COL13A1: variants seen among roughly 807,000 people sequenced by gnomAD.
COL13A1 encodes collagen type XIII alpha 1 chain, also known as collagen alpha-1(XIII) chain.
Under a neutral mutation model 130.9 loss-of-function variants are expected in COL13A1, and 89 were observed. The ratio of observed to expected loss-of-function variants is 0.68; its 90% CI spans 0.57 to 0.81. COL13A1 has a LOEUF of 0.81. Ranked by LOEUF, COL13A1 falls within the 30% of genes least tolerant of loss-of-function variation. The pLI is 0.00. For synonymous variants in COL13A1, 402 were observed against 341.6 expected (o/e 1.18, Z -1.95); for missense variants, 879 against 934.6 (o/e 0.94, Z 0.78).
chr10:69,880,075 G>C (rs895433063), intron 6 of COL13A1, among the ~76,000 whole-genome samples: 3 of 152,034 alleles, frequency 2.0e-5, no homozygotes, highest in Non-Finnish European at 4.4e-5. Context: ...GCCGGGGAGA[G>C]ACTCAGGCCT....
At position 69,921,965 on chromosome 10, in the gene COL13A1, G is replaced by T. The variant is rs142932036; in HGVS notation, c.1143+30G>T. ...GTGTTGCTCTGAATGGAGGGTTCAA[G>T]TCCTTCGTCACCCACATCCCATACC... On this transcript the variant is annotated intron_variant, in intron 22 of 40. Transcript: ENST00000645393. 1.7e-3 allele frequency: 2,668 copies of T among 1,584,962 alleles called. 5 individuals are homozygous for T. The highest frequency in any genetic ancestry group is 2.0e-3 in the Non-Finnish European group (2,335 of 1,165,350).
chr10:69,828,178 T>A (rs563150048), intron 2 of COL13A1, among the ~76,000 whole-genome samples: 4 of 152,302 alleles, frequency 2.6e-5, no homozygotes, highest in African/African-American at 9.6e-5. Context: ...GAGATCCTCC[T>A]GTTCGATTGC....
intron 26 of COL13A1, among the ~76,000 whole-genome samples, chr10:69,926,377 T>TG (rs1222432061): frequency 6.6e-6 from 1 of 152,108 alleles, no homozygotes; most frequent in African/African-American, 2.4e-5. Context: ...ATCTTTGTGG[T>TG]GGGGGGAGAG....
intron 2 of COL13A1, among the ~76,000 whole-genome samples, chr10:69,850,683 T>A (rs1286056874): frequency 6.6e-6 from 1 of 151,946 alleles, no homozygotes; most frequent in Non-Finnish European, 1.5e-5. Context: ...GGAAGCTGAC[T>A]GTCAGCCAGC....
At chr10:69,811,425 G>A (rs7079209) in intron 1 of COL13A1, among the ~76,000 whole-genome samples, 39,727 of 152,110 alleles carry the variant, frequency 0.26, 5,855 homozygotes, top group African/African-American at 0.41. Context: ...AGGTCAGAAA[G>A]GGTGACCTCT....
intron 2 of COL13A1, among the ~76,000 whole-genome samples, chr10:69,858,220 T>C (rs1417406473): frequency 6.6e-6 from 1 of 152,138 alleles, no homozygotes; most frequent in Non-Finnish European, 1.5e-5. Flanking sequence ...GCTTCTGGGA[T>C]TGGATGCCAT....
intron 38 of COL13A1, among the ~76,000 whole-genome samples, chr10:69,947,861 C>A (rs191069431): frequency 6.6e-6 from 1 of 152,222 alleles, no homozygotes; most frequent in South Asian, 2.1e-4. Context: ...GAAAGGACTG[C>A]GCCTTCTCAG....
At chr10:69,947,406 C>G in intron 38 of COL13A1, 64 bp downstream of exon 38, 1 of 1,445,324 alleles carries the variant, frequency 6.9e-7, no homozygotes, top group Non-Finnish European at 9.5e-7. Flanking sequence ...GTGGAATGAT[C>G]GATCGGTGAT....
chr10:69,802,857 G>C (rs897138588), intron 1 of COL13A1, 140 bp downstream of exon 1: 2 of 1,095,838 alleles, frequency 1.8e-6, no homozygotes, highest in Non-Finnish European at 2.7e-6. Flanking sequence ...GAGGGGTCGG[G>C]GACACGGACA....
At chr10:69,956,677 C>G (rs2136447952) in intron 39 of COL13A1, 1 of 269,836 alleles carries the variant, frequency 3.7e-6, no homozygotes, top group Non-Finnish European at 7.4e-6. Flanking sequence ...TACCCGTGAG[C>G]AGCCGGCACT....
intron 2 of COL13A1, among the ~76,000 whole-genome samples, chr10:69,853,009 C>T (rs115839515): frequency 0.017 from 2,461 of 147,124 alleles, 74 homozygotes; most frequent in African/African-American, 0.058. Context: ...CCAGCTGGGG[C>T]GGGGGAGCGG....
intron 36 of COL13A1, among the ~76,000 whole-genome samples, chr10:69,944,845 A>G (rs1197523842): frequency 6.6e-6 from 1 of 152,180 alleles, no homozygotes; most frequent in Admixed American, 6.5e-5. Flanking sequence ...AAACTTTGTA[A>G]TGATTTAGGG....
At chr10:69,863,466 G>C (rs1234693497) in intron 2 of COL13A1, among the ~76,000 whole-genome samples, 1 of 152,136 alleles carries the variant, frequency 6.6e-6, no homozygotes, top group African/African-American at 2.4e-5. Context: ...AGGCATGGGT[G>C]GGGGCTAGGA....
At chr10:69,938,031 C>T (rs920499532) in intron 34 of COL13A1, among the ~76,000 whole-genome samples, 10 of 152,210 alleles carry the variant, frequency 6.6e-5, no homozygotes, top group Admixed American at 3.3e-4. Flanking sequence ...GCTGCCTTTA[C>T]GGGGCCAAGC....
At chr10:69,922,869 C>T in intron 23 of COL13A1, 75 bp downstream of exon 23, 1 of 1,013,338 alleles carries the variant, frequency 9.9e-7, no homozygotes, top group Admixed American at 3.0e-5. Flanking sequence ...CTCGGGGACT[C>T]TACGTCCCGG....
At chr10:69,808,310 C>T (rs1439719908) in intron 1 of COL13A1, among the ~76,000 whole-genome samples, 2 of 152,230 alleles carry the variant, frequency 1.3e-5, no homozygotes, top group African/African-American at 4.8e-5. Context: ...ACTTGCCCCA[C>T]TGCTCTCTGG....
At chr10:69,880,212 C>T (rs936741506) in intron 6 of COL13A1, among the ~76,000 whole-genome samples, 1 of 152,110 alleles carries the variant, frequency 6.6e-6, no homozygotes, top group Non-Finnish European at 1.5e-5. Context: ...ACCCCATGTC[C>T]TGTGTTCTCA....
Position 69,893,542 on chromosome 10 carries a change from C to T in COL13A1, c.604-1010C>T, listed in dbSNP as rs139071633. On this transcript the variant is annotated intron_variant, in intron 10 of 40. Coordinates refer to ENST00000645393, the MANE Select transcript of COL13A1 (RefSeq NM_001368882.1). ...CATCACAGCATGCTGCGGCCACCTC[C>T]CAGATGGACCCACCCTTGGGGATCT... 6.2e-4 allele frequency among the ~76,000 whole-genome samples: 94 copies of T among 152,334 alleles called. 1 individual carries two copies. Among genetic ancestry groups the T allele is most frequent in the African/African-American group, 2.2e-3 (92 of 41,574 alleles).
intron 13 of COL13A1, chr10:69,897,414 G>T: frequency 1.9e-6 from 3 of 1,556,104 alleles, no homozygotes; most frequent in Non-Finnish European, 2.7e-6. Context: ...GGTGTCTGTG[G>T]GCTCTCCCCT....
Sources: gnomAD v4.1 joint callset for allele counts (sites outside exome capture counted in the v4.1 genomes callset) on GRCh38, gnomAD v4.1.1 for gene constraint, MANE v1.5 for transcripts, NCBI Gene and HGNC (gene_info 2026-07-23, HGNC 2026-07-21) for gene names.